The following ZZEF1 variants were observed in gnomAD, a reference collection of about 807,000 sequenced individuals.
ZZEF1 encodes the protein zinc finger ZZ-type and EF-hand domain containing 1.
A neutral mutation model predicts 342.8 loss-of-function variants in ZZEF1; 157 were observed. That is an observed-to-expected ratio of 0.46 (90% confidence interval 0.40 to 0.52). ZZEF1 has a LOEUF of 0.52. Among genes scored for constraint, ZZEF1 ranks in the 20% least tolerant of loss-of-function variants. The pLI is 0.00. For synonymous variants in ZZEF1, 1,505 were observed against 1,429.1 expected (o/e 1.05, Z -1.20); for missense variants, 3,480 against 3,725.6 (o/e 0.93, Z 1.72).
chr17:4,136,044 G>A (rs2058742075), intron 1 of ZZEF1, among the ~76,000 whole-genome samples: 3 of 140,510 alleles, frequency 2.1e-5, no homozygotes, highest in Non-Finnish European at 4.6e-5. Context: ...CCAGGCTGGA[G>A]TGCAGTGGTG....
Position 4,016,430 on chromosome 17 carries a change from T to C in ZZEF1, c.8038A>G (p.Met2680Val), listed in dbSNP as rs781470770. 4.3e-6 allele frequency: 7 copies of C among 1,613,720 alleles called. No homozygotes were observed. In the Admixed American group the frequency reaches 8.3e-5, roughly 19 times the overall value. The change falls in exon 49 of 55, where the codon ATG becomes GTG. Residue 2680 changes from methionine (M) to valine (V), a missense_variant. Physicochemically the swap from Met to Val is conservative, Grantham distance 21. This residue lies in a region of ZZEF1 where 1,269 missense variants were observed against 1,342.4 expected (regional missense o/e 0.95). Coordinates refer to ENST00000381638, the MANE Select transcript of ZZEF1 (RefSeq NM_015113.4). This position sits in a 1 kb window ranked among gnomAD's most constrained non-coding sequence, Gnocchi z 4.4. ...QKVLQGCREDMLGTMALAACQ... is the reference protein window; with the variant it reads ...QKVLQGCREDVLGTMALAACQ... ...GCAGCCAGGGCCATGGTCCCCAGCATGTCCTCTCGGCAGCCCTGGAGCACT... is the reference window on the plus strand; with the variant it reads ...GCAGCCAGGGCCATGGTCCCCAGCACGTCCTCTCGGCAGCCCTGGAGCACT...
At chr17:4,031,408 CATAAT>C (rs2056543944) in intron 42 of ZZEF1, among the ~76,000 whole-genome samples, 1 of 151,714 alleles carries the variant, frequency 6.6e-6, no homozygotes, top group South Asian at 2.1e-4. Context: ...ATTAATGAAA[CATAAT>C]AGAATCCATA....
chr17:4,025,855 G>C (rs1029567627), intron 42 of ZZEF1, among the ~76,000 whole-genome samples: 3 of 152,162 alleles, frequency 2.0e-5, no homozygotes, highest in Non-Finnish European at 2.9e-5. Flanking sequence ...CTGAGAGAAG[G>C]GATATAAACT....
intron 5 of ZZEF1, among the ~76,000 whole-genome samples, chr17:4,111,426 G>A (rs1478463616): frequency 1.3e-5 from 2 of 152,110 alleles, no homozygotes; most frequent in African/African-American, 4.8e-5. Context: ...GTGGAAGGCC[G>A]AGGCGGGCGG....
chr17:4,068,825 CCCCA>C (rs1387220406), intron 26 of ZZEF1, among the ~76,000 whole-genome samples: 1 of 152,198 alleles, frequency 6.6e-6, no homozygotes, highest in East Asian at 1.9e-4. Flanking sequence ...AAAAACTCCT[CCCCA>C]CCCTTTCTAA....
At chr17:4,091,904 C>A (rs1022364048) in intron 11 of ZZEF1, among the ~76,000 whole-genome samples, 1 of 151,164 alleles carries the variant, frequency 6.6e-6, no homozygotes, top group African/African-American at 2.4e-5. Flanking sequence ...TTAAGAAACT[C>A]TGTCTCTACT....
At chr17:4,060,745 A>C (rs995324571) in intron 30 of ZZEF1, among the ~76,000 whole-genome samples, 3 of 152,120 alleles carry the variant, frequency 2.0e-5, no homozygotes, top group African/African-American at 4.8e-5. Flanking sequence ...TGAGAAAGAA[A>C]AGTAACAATC....
rs781015249 is a variant in ZZEF1, at chr17:4,054,064, G to C, written c.5427C>G (p.Cys1809Trp). 6.2e-7 allele frequency: 1 copy of C among 1,609,906 alleles called. No individual in the cohort carries two copies. The change falls in exon 34 of 55, where the codon TGC (cysteine) becomes TGG (tryptophan). Residue 1809 changes from cysteine to tryptophan, a missense_variant. Around this residue, in one of 5 missense-constraint regions of ZZEF1, gnomAD observed 175 missense variants for 254.6 expected, o/e 0.69. Coordinates refer to ENST00000381638, the MANE Select transcript of ZZEF1 (RefSeq NM_015113.4). Reference protein sequence around the residue: ...QCSDMDLCKTCFLGGVKPEGH... With the variant: ...QCSDMDLCKTWFLGGVKPEGH... ...CCAGTTCATGAAATTTACCTAGGAA[G>C]CAAGTTTTGCAGAGATCCATGTCGC...
chr17:4,039,675 ACT>A (rs2056757277), intron 39 of ZZEF1, among the ~76,000 whole-genome samples: 1 of 127,928 alleles, frequency 7.8e-6, no homozygotes, highest in Non-Finnish European at 1.6e-5. Context: ...ACAGAGTCTC[ACT>A]CTGTCGCCCA....
Position 4,013,464 on chromosome 17 carries a change from C to G in ZZEF1, c.8564G>C (p.Arg2855Pro). Residue 2855 changes from arginine (R) to proline (P), a missense_variant, in exon 52 of 55, where the codon CGA becomes CCA. Around this residue, in one of 5 missense-constraint regions of ZZEF1, gnomAD observed 1,269 missense variants for 1,342.4 expected, o/e 0.95. Coordinates refer to ENST00000381638, the MANE Select transcript of ZZEF1 (RefSeq NM_015113.4). ...CACCGCTTACCTGTGGCCGCAGCAT[C>G]GCACAATCCTCAGAAGTAAGTGGAT... ...KAIHLLLRIV[R>P]CCGHSDLCDL... The G allele has an allele frequency of 1.2e-6, 2 of 1,609,906 alleles. No individual in the cohort carries two copies. The highest frequency in any genetic ancestry group is 1.1e-5 in the South Asian group (1 of 90,556).
At chr17:4,093,602 T>C (rs2057984106) in intron 11 of ZZEF1, among the ~76,000 whole-genome samples, 1 of 152,186 alleles carries the variant, frequency 6.6e-6, no homozygotes, top group South Asian at 2.1e-4. Flanking sequence ...CGAGAGCCTG[T>C]AAGAAATCAG....
chr17:4,014,265 T>C lies in ZZEF1; in HGVS notation c.8315-77A>G. 6.2e-7 allele frequency: 1 copy of C among 1,610,648 alleles called. No individual in the cohort carries two copies. The highest frequency in any genetic ancestry group is 2.2e-5 in the East Asian group (1 of 44,852). On this transcript the variant is annotated intron_variant, in intron 50 of 54. Coordinates refer to ENST00000381638, the MANE Select transcript of ZZEF1 (RefSeq NM_015113.4). This position sits in a 1 kb window ranked among gnomAD's most constrained non-coding sequence, Gnocchi z 4.4. ...GCAGCAGTGGTGTTGGGTTTCAACA[T>C]TCTCCAGTAAGTTCCCTTCTCAATA...
At chr17:4,079,583 T>C (rs1321532570) in intron 18 of ZZEF1, among the ~76,000 whole-genome samples, 1 of 151,934 alleles carries the variant, frequency 6.6e-6, no homozygotes, top group Non-Finnish European at 1.5e-5. Context: ...CAGCAAAAAA[T>C]AGAGCATAGT....
At position 4,021,209 on chromosome 17, in the gene ZZEF1, C is replaced by T; in HGVS notation, c.7324G>A (p.Val2442Ile). 1 of 1,614,240 alleles carries T rather than the reference C, an allele frequency of 6.2e-7. No individual in the cohort carries two copies. The highest frequency in any genetic ancestry group is 8.5e-7 in the Non-Finnish European group (1 of 1,180,042). The change falls in exon 45 of 55, where the codon GTC becomes ATC. Residue 2442 changes from valine to isoleucine, a missense_variant. Around this residue, in one of 5 missense-constraint regions of ZZEF1, gnomAD observed 1,269 missense variants for 1,342.4 expected, o/e 0.95. Coordinates refer to ENST00000381638, the MANE Select transcript of ZZEF1 (RefSeq NM_015113.4). Reference sequence around the variant, plus strand: ...TGCTCTGGGTCGCCAGGGCTGCTGACTGGCCGTTCCACCTCTTCCTCTCGG... The same window carrying T: ...TGCTCTGGGTCGCCAGGGCTGCTGATTGGCCGTTCCACCTCTTCCTCTCGG... ...GDREEEVERP[V>I]SSPGDPEQKK...
At chr17:4,117,600 A>G (rs1348092787) in intron 2 of ZZEF1, among the ~76,000 whole-genome samples, 2 of 143,076 alleles carry the variant, frequency 1.4e-5, no homozygotes, top group Admixed American at 7.4e-5. Context: ...GTGAGCCCAG[A>G]TCACGCCACT....
At chr17:4,130,975 T>C (rs1243837517) in intron 1 of ZZEF1, among the ~76,000 whole-genome samples, 1 of 152,116 alleles carries the variant, frequency 6.6e-6, no homozygotes, top group Non-Finnish European at 1.5e-5. Context: ...GCAATGAAAG[T>C]AGTGACTGCC....
At chr17:4,052,846 G>A (rs1288017619) in intron 34 of ZZEF1, among the ~76,000 whole-genome samples, 1 of 146,884 alleles carries the variant, frequency 6.8e-6, no homozygotes, top group Non-Finnish European at 1.5e-5. Context: ...TAGCCTGAGG[G>A]ACAGAGTGAG....
chr17:4,065,366 C>G (rs1460221158), intron 28 of ZZEF1, among the ~76,000 whole-genome samples: 2 of 150,786 alleles, frequency 1.3e-5, no homozygotes, highest in Admixed American at 1.3e-4. Flanking sequence ...CACTGCATTC[C>G]AGCTTGGGCG....
chr17:4,130,854 T>C (rs1470306061), intron 1 of ZZEF1, among the ~76,000 whole-genome samples: 2 of 152,148 alleles, frequency 1.3e-5, no homozygotes, highest in Admixed American at 6.6e-5. Context: ...GTGAAATTTT[T>C]TAAGACTGAG....
Sources: gnomAD v4.1 joint callset for allele counts (sites outside exome capture counted in the v4.1 genomes callset) on GRCh38, gnomAD v4.1.1 for gene constraint, gnomAD v4.1.1 regional missense constraint, Gnocchi (gnomAD v3.1) non-coding constraint, MANE v1.5 for transcripts, NCBI Gene and HGNC (gene_info 2026-07-23, HGNC 2026-07-21) for gene names.